Variants in SETD5 observed in about 807,000 individuals in gnomAD.
SETD5 encodes the protein histone-lysine N-methyltransferase SETD5.
SETD5 carries 44 observed loss-of-function variants against 153.3 expected under a neutral mutation model. The observed-to-expected ratio is 0.29, with a 90% confidence interval of 0.23 to 0.37. SETD5 has a LOEUF of 0.37. Among genes scored for constraint, SETD5 ranks in the 10% least tolerant of loss-of-function variants. SETD5 has a pLI of 1.00. For synonymous variants in SETD5, 716 were observed against 645.2 expected, an observed-to-expected ratio of 1.11 and a Z score of -1.66; for missense variants, 1,544 against 1,768.0, an observed-to-expected ratio of 0.87 and a Z score of 2.27.
intron 18 of SETD5, among the ~76,000 whole-genome samples, chr3:9,467,933 C>G (rs1166056592): frequency 6.6e-6 from 1 of 151,862 alleles, no homozygotes; most frequent in Admixed American, 6.6e-5. Context: ...AGAACCAACT[C>G]TAGCCTGTGA....
Position 9,473,326 on chromosome 3 carries a change from T to A in SETD5, c.3286T>A (p.Ser1096Thr), listed in dbSNP as rs773284859. 1 of 1,614,000 alleles carries A rather than the reference T, an allele frequency of 6.2e-7. No homozygotes were observed. Among genetic ancestry groups the A allele is most frequent in the Admixed American group, 1.7e-5 (1 of 60,018 alleles). Residue 1096 changes from serine to threonine, a missense_variant, in exon 20 of 23, where the codon TCT (serine) becomes ACT (threonine). Physicochemically the swap from Ser to Thr is moderately conservative, Grantham distance 58 (BLOSUM62 1). Around this residue, in one of 9 missense-constraint regions of SETD5, gnomAD observed 93 missense variants for 93.4 expected, o/e 1.00. Transcript: ENST00000402198. ...TGACTCTGCACAGAGCAAAAGCAAGTCTGCAGGAGCTGGGCAAGGCAGCAG... is the reference window on the plus strand; with the variant it reads ...TGACTCTGCACAGAGCAAAAGCAAGACTGCAGGAGCTGGGCAAGGCAGCAG... ...GGDSAQSKSK[S>T]AGAGQGSSNS...
intron 17 of SETD5, among the ~76,000 whole-genome samples, chr3:9,463,115 G>A (rs998477168): frequency 2.0e-5 from 3 of 152,142 alleles, no homozygotes; most frequent in Non-Finnish European, 4.4e-5. Flanking sequence ...TGCCTCCTGG[G>A]TTCAAGTGAT....
Position 9,440,548 on chromosome 3 carries a change from T to A in SETD5, c.660T>A (p.Ala220=). The A allele has an allele frequency of 1.2e-6, 2 of 1,613,982 alleles. No individual in the cohort carries two copies. The highest frequency in any genetic ancestry group is 1.7e-6 in the Non-Finnish European group (2 of 1,179,854). ...TATGGACTGACCAGTATGAAGAAGC[T>A]TTCACTAATCAGTACAGTGCAGATG... ...IRLWTDQYEE[A]FTNQYSADVQ... The change falls in exon 8 of 23, where the codon GCT becomes GCA. Residue 220 remains alanine, a synonymous_variant. Transcript: ENST00000402198.
At chr3:9,455,616 G>C (rs896246358) in intron 17 of SETD5, among the ~76,000 whole-genome samples, 3 of 151,840 alleles carry the variant, frequency 2.0e-5, no homozygotes, top group African/African-American at 7.3e-5. Flanking sequence ...AAGAAATCTT[G>C]GTACCAGATT....
intron 1 of SETD5, among the ~76,000 whole-genome samples, chr3:9,409,531 T>A (rs769107334): frequency 3.9e-5 from 6 of 152,174 alleles, no homozygotes; most frequent in Non-Finnish European, 7.4e-5. Flanking sequence ...CTTAATACTT[T>A]CCTCACTTGT....
At chr3:9,474,736 C>A in intron 21 of SETD5, 154 bp downstream of exon 21, 2 of 1,048,282 alleles carry the variant, frequency 1.9e-6, no homozygotes, top group Admixed American at 2.5e-5. Flanking sequence ...CTCATTTGGG[C>A]TACCACATTT....
Position 9,468,465 on chromosome 3 carries a change from T to C in SETD5, c.2725-1994T>C, listed in dbSNP as rs553494015. On this transcript the variant is annotated intron_variant, in intron 18 of 22. Transcript: ENST00000402198. ...CTTGCTTTTATTTTTTGTTTTGTTTTGCTTCTTGACTTCGAGTAGATGAAT... is the reference window on the plus strand; with the variant it reads ...CTTGCTTTTATTTTTTGTTTTGTTTCGCTTCTTGACTTCGAGTAGATGAAT... 1.8e-5 allele frequency: 23 copies of C among 1,295,962 alleles called. No homozygotes were observed. The African/African-American group carries it at 3.0e-4, about 17-fold the overall frequency. 80.3% of individuals were successfully genotyped at this position (1,295,962 alleles called of 1,614,324 possible).
rs775518851 is a variant in SETD5 at position 9,433,886 on chromosome 3, G to A, written c.113G>A (p.Ser38Asn). ...VEASPAVNEK[S>N]VYSTHNYGTT... ...GCTAGTCCAGCAGTTAATGAGAAGA[G>A]CGTGTATTCCACTCATAATTATGGG... is the stretch of plus-strand genomic sequence containing the variant. The change falls in exon 4 of 23, where the codon AGC (serine) becomes AAC (asparagine). Residue 38 changes from serine to asparagine, a missense_variant. Ser to Asn is a conservative substitution (Grantham distance 46, BLOSUM62 1). Coordinates refer to ENST00000402198, the MANE Select transcript of SETD5 (RefSeq NM_001080517.3). 1.8e-5 allele frequency: 29 copies of A among 1,613,818 alleles called. No homozygotes were observed. Among genetic ancestry groups the A allele is most frequent in the Non-Finnish European group, 2.5e-5 (29 of 1,179,858 alleles).
Position 9,475,505 on chromosome 3 carries a change from G to C in SETD5, c.3743G>C (p.Arg1248Pro). The C allele has an allele frequency of 6.2e-7, 1 of 1,613,256 alleles. No homozygotes were observed. The highest frequency in any genetic ancestry group is 1.7e-5 in the Admixed American group (1 of 59,988). ...SYQLLQCDSPRTESQSLLQQS... is the reference protein window; with the variant it reads ...SYQLLQCDSPPTESQSLLQQS... ...TAGCTCCTGCAGTGTGATAGTCCTC[G>C]GACAGAATCACAAAGCCTCCTTCAG... The change falls in exon 23 of 23, where the codon CGG becomes CCG. Residue 1248 changes from arginine (R) to proline (P), a missense_variant. Physicochemically the swap from Arg to Pro is moderately radical, Grantham distance 103 (BLOSUM62 -2). Around this residue, in one of 9 missense-constraint regions of SETD5, gnomAD observed 302 missense variants for 277.6 expected, o/e 1.09. Coordinates refer to ENST00000402198, the MANE Select transcript of SETD5 (RefSeq NM_001080517.3).
intron 3 of SETD5, chr3:9,433,634 C>T (rs2040225284): frequency 1.0e-6 from 1 of 956,160 alleles, no homozygotes; most frequent in Non-Finnish European, 1.5e-6. Context: ...CCTGTACTGG[C>T]TTCATGTTAC....
chr3:9,417,331 A>G (rs879042820), intron 1 of SETD5, among the ~76,000 whole-genome samples: 4 of 152,196 alleles, frequency 2.6e-5, no homozygotes, highest in Non-Finnish European at 5.9e-5. Context: ...TGCCAGCACA[A>G]CAAAAAAGAG....
At chr3:9,468,896 A>G (rs1457576454) in intron 18 of SETD5, among the ~76,000 whole-genome samples, 1 of 152,078 alleles carries the variant, frequency 6.6e-6, no homozygotes, top group African/African-American at 2.4e-5. Flanking sequence ...TCTAGAAGTC[A>G]AGATGCTGAT....
chr3:9,465,581 C>G (rs1257698595), intron 18 of SETD5, among the ~76,000 whole-genome samples: 2 of 152,162 alleles, frequency 1.3e-5, no homozygotes, highest in Admixed American at 1.3e-4. Flanking sequence ...ACCAATCTTA[C>G]GTTTCCTATT....
chr3:9,434,039 A>G lies in SETD5; in HGVS notation c.177+89A>G, dbSNP rs900199332. 4.3e-6 allele frequency: 7 copies of G among 1,610,900 alleles called. No homozygotes were observed. The African/African-American group carries it at 5.3e-5, about 12-fold the overall frequency. ...ATTGTGACTTTCTTGAAATGTTTAT[A>G]TGCAGCATGACGAAGTTGCCCCTTT... is the stretch of plus-strand genomic sequence containing the variant. On this transcript the variant is annotated intron_variant, in intron 4 of 22. Transcript: ENST00000402198. This position sits in a 1 kb window ranked among gnomAD's most constrained non-coding sequence, Gnocchi z 5.6.
rs2044323361 is a variant in SETD5 at position 9,464,408 on chromosome 3, A to G, written c.2477-17A>G. On this transcript the variant is annotated splice_polypyrimidine_tract_variant and intron_variant, in intron 17 of 22. Coordinates refer to ENST00000402198, the MANE Select transcript of SETD5 (RefSeq NM_001080517.3). ...ATCTGTGGTTTCAAACTCTCATCCA[A>G]GCTTTGTGTTTCACAGACTTGTTGA... 1 of 1,600,156 alleles carries G rather than the reference A, an allele frequency of 6.2e-7. No individual in the cohort carries two copies. Among genetic ancestry groups the G allele is most frequent in the African/African-American group, 1.3e-5 (1 of 74,534 alleles).
At chr3:9,475,295 C>T in intron 22 of SETD5, 139 bp downstream of exon 22, 2 of 1,127,318 alleles carry the variant, frequency 1.8e-6, no homozygotes, top group South Asian at 1.6e-5. Context: ...TCTGCTTGTC[C>T]TCAGGTAATA....
At chr3:9,409,826 A>G (rs941875882) in intron 1 of SETD5, among the ~76,000 whole-genome samples, 1 of 152,162 alleles carries the variant, frequency 6.6e-6, no homozygotes, top group Non-Finnish European at 1.5e-5. Context: ...TGTTTACGTA[A>G]ACCTAATCTT....
intron 17 of SETD5, among the ~76,000 whole-genome samples, chr3:9,454,622 CAAAAAAAAAAAAAAA>C (rs67028533): frequency 3.3e-4 from 19 of 57,986 alleles, no homozygotes; most frequent in Admixed American, 6.3e-4. Flanking sequence ...AACTCCGTCT[CAAAAAAAAAAAAAAA>C]AAAAAAAAAA....
chr3:9,414,829 AT>A (rs1311393035), intron 1 of SETD5, among the ~76,000 whole-genome samples: 1 of 150,906 alleles, frequency 6.6e-6, no homozygotes, highest in Admixed American at 6.6e-5. Context: ...TTTTTTTTTA[AT>A]TTTTTTGTTA....
Sources: gnomAD v4.1 joint callset for allele counts (sites outside exome capture counted in the v4.1 genomes callset) on GRCh38, gnomAD v4.1.1 for gene constraint, gnomAD v4.1.1 regional missense constraint, Gnocchi (gnomAD v3.1) non-coding constraint, MANE v1.5 for transcripts, NCBI Gene and HGNC (gene_info 2026-07-23, HGNC 2026-07-21) for gene names.